ACVRL1: variants seen among roughly 807,000 people sequenced by gnomAD.
The protein encoded by ACVRL1 is activin A receptor like type 1.
Under a neutral mutation model 51.9 loss-of-function variants are expected in ACVRL1, and 20 were observed. The observed-to-expected ratio is 0.39, with a 90% CI of 0.27 to 0.56. ACVRL1 has a LOEUF of 0.56. Among genes scored for constraint, ACVRL1 ranks in the 20% least tolerant of loss-of-function variants. ACVRL1 has a pLI of 0.67. For synonymous variants in ACVRL1, 288 were observed against 280.9 expected, an observed-to-expected ratio of 1.03 and a Z score of -0.25; for missense variants, 451 against 670.3, an observed-to-expected ratio of 0.67 and a Z score of 3.61.
intron 3 of ACVRL1, 72 bp from the exon 4 acceptor site, chr12:51,913,487 G>C: frequency 6.5e-7 from 1 of 1,538,456 alleles, no homozygotes; most frequent in Non-Finnish European, 8.7e-7. Context: ...GATCTAACTG[G>C]CAGAGTGGTC....
At chr12:51,920,008 A>G (rs1940932981) in intron 9 of ACVRL1, among the ~76,000 whole-genome samples, 1 of 152,230 alleles carries the variant, frequency 6.6e-6, no homozygotes, top group African/African-American at 2.4e-5. Context: ...ACATGTATAC[A>G]TCTATGTGTA....
rs989875233 is a variant in ACVRL1 at position 51,917,998 on chromosome 12, C to T, written c.1247-987C>T. On this transcript the variant is annotated intron_variant, in intron 8 of 9. Coordinates refer to ENST00000388922, the MANE Select transcript of ACVRL1 (RefSeq NM_000020.3). This position sits in a 1 kb window ranked among gnomAD's most constrained non-coding sequence, Gnocchi z 4.2. ...ATTAGGGCGTGAGCGGCACAGGGGCCGGCCTGGAAGCTGGCCATGGGGAGA... is the reference window on the plus strand; with the variant it reads ...ATTAGGGCGTGAGCGGCACAGGGGCTGGCCTGGAAGCTGGCCATGGGGAGA... 2.0e-5 allele frequency among the ~76,000 whole-genome samples: 3 copies of T among 152,352 alleles called. No individual in the cohort carries two copies. The highest frequency in any genetic ancestry group is 2.1e-4 in the South Asian group (1 of 4,828).
chr12:51,910,584 C>T (rs889653964), intron 1 of ACVRL1, among the ~76,000 whole-genome samples: 3 of 152,140 alleles, frequency 2.0e-5, no homozygotes, highest in East Asian at 3.8e-4. Context: ...AGAGGAATGC[C>T]GGATTTTAGC....
chr12:51,919,378 T>A (rs1425637213), intron 9 of ACVRL1: 4 of 486,622 alleles, frequency 8.2e-6, no homozygotes, highest in African/African-American at 6.3e-5. Context: ...TGTGTGTGTG[T>A]GTGTGTGTGT....
rs1167632743 is a variant in ACVRL1 at position 51,917,180 on chromosome 12, A to G, written c.1246+947A>G. ...CACAGAATGACAGTGGGCTTGAGGCAGCATCAGGGTCCGAAACCGGGCAGT... is the reference window on the plus strand; with the variant it reads ...CACAGAATGACAGTGGGCTTGAGGCGGCATCAGGGTCCGAAACCGGGCAGT... On this transcript the variant is annotated intron_variant, in intron 8 of 9. Coordinates refer to ENST00000388922, the MANE Select transcript of ACVRL1 (RefSeq NM_000020.3). This position sits in a 1 kb window ranked among gnomAD's most constrained non-coding sequence, Gnocchi z 4.2. Among the ~76,000 whole-genome samples, 1 of 152,218 alleles carries G rather than the reference A, an allele frequency of 6.6e-6. No homozygotes were observed. The highest frequency in any genetic ancestry group is 2.4e-5 in the African/African-American group (1 of 41,454).
chr12:51,918,608 G>T (rs4762029), intron 8 of ACVRL1, among the ~76,000 whole-genome samples: 3,814 of 152,270 alleles, frequency 0.025, 53 homozygotes, highest in Non-Finnish European at 0.041. Context: ...CTAGGAATCC[G>T]AGATGGGTTT....
chr12:51,913,553 C>T lies in ACVRL1; in HGVS notation c.314-6C>T, dbSNP rs748409478. ...GAAGCTGAGCCTCAGTGTCCCCCTC[C>T]CTCAGCCACCCAACCTCCTTCGGAG... On this transcript the variant is annotated splice_region_variant and splice_polypyrimidine_tract_variant and intron_variant, in intron 3 of 9. Transcript: ENST00000388922. The T allele has an allele frequency of 1.3e-6, 2 of 1,595,668 alleles. No homozygotes were observed. Among genetic ancestry groups the T allele is most frequent in the Non-Finnish European group, 8.5e-7 (1 of 1,179,180 alleles).
Position 51,920,775 on chromosome 12 carries a change from C to T in ACVRL1, c.1394C>T (p.Ala465Val). The T allele has an allele frequency of 6.2e-7, 1 of 1,614,002 alleles. No individual in the cohort carries two copies. Among genetic ancestry groups the T allele is most frequent in the Middle Eastern group, 1.7e-4 (1 of 5,938 alleles). ...AACCCCCAGGTCCTCTCAGGCCTAG[C>T]TCAGATGATGCGGGAGTGCTGGTAC... ...LAADPVLSGL[A>V]QMMRECWYPN... is the part of the protein sequence containing the mutation. The change falls in exon 10 of 10, where the codon GCT (alanine) becomes GTT (valine). Residue 465 changes from alanine to valine, a missense_variant. Ala to Val is a moderately conservative substitution (Grantham distance 64). This residue lies in a region of ACVRL1 where 259 missense variants were observed against 453.4 expected (regional missense o/e 0.57). Coordinates refer to ENST00000388922, the MANE Select transcript of ACVRL1 (RefSeq NM_000020.3).
At chr12:51,912,588 A>C in intron 2 of ACVRL1, 53 bp downstream of exon 2, 1 of 1,467,536 alleles carries the variant, frequency 6.8e-7, no homozygotes, top group Non-Finnish European at 9.5e-7. Flanking sequence ...AGAAAGGGCT[A>C]TCTGGGCCCA....
At chr12:51,910,366 A>T (rs749097759) in intron 1 of ACVRL1, among the ~76,000 whole-genome samples, 1 of 152,170 alleles carries the variant, frequency 6.6e-6, no homozygotes, top group South Asian at 2.1e-4. Context: ...CGTTGTGCCC[A>T]CACAAACTGA....
At chr12:51,913,388 T>C in intron 3 of ACVRL1, 38 bp downstream of exon 3, 1 of 1,606,112 alleles carries the variant, frequency 6.2e-7, no homozygotes, top group Non-Finnish European at 8.5e-7. Context: ...CCCCATCTTC[T>C]TGGCCCCTGC....
chr12:51,920,719 C>T, intron 9 of ACVRL1, 40 bp from the exon 10 acceptor site: 1 of 1,610,376 alleles, frequency 6.2e-7, no homozygotes, highest in Non-Finnish European at 8.5e-7. Flanking sequence ...GCATCTCTCT[C>T]TCTGCCTCCT....
Position 51,914,492 on chromosome 12 carries a change from G to A in ACVRL1, c.679G>A (p.Ala227Thr). 1 of 1,614,160 alleles carries A rather than the reference G, an allele frequency of 6.2e-7. No homozygotes were observed. The highest frequency in any genetic ancestry group is 2.2e-5 in the East Asian group (1 of 44,866). Residue 227 changes from alanine to threonine, a missense_variant, in exon 6 of 10, where the codon GCC becomes ACC. This residue lies in a region of ACVRL1 where 259 missense variants were observed against 453.4 expected (regional missense o/e 0.57). Transcript: ENST00000388922. Reference protein sequence around the residue: ...WRGLWHGESVAVKIFSSRDEQ... With the variant: ...WRGLWHGESVTVKIFSSRDEQ... ...GGGCTTGTGGCACGGTGAGAGTGTG[G>A]CCGTCAAGATCTTCTCCTCGAGGGA...
chr12:51,918,960 T>G, intron 8 of ACVRL1, 25 bp from the exon 9 acceptor site: 3 of 1,614,216 alleles, frequency 1.9e-6, no homozygotes, highest in Non-Finnish European at 2.5e-6. Flanking sequence ...CCCAAGTGAT[T>G]GTCCTGTCCA....
rs535593547 is a variant in ACVRL1, at chr12:51,913,332, G to A, written c.295G>A (p.Val99Met). 7.4e-6 allele frequency: 12 copies of A among 1,612,284 alleles called. No individual in the cohort carries two copies. Among genetic ancestry groups the A allele is most frequent in the East Asian group, 6.7e-5 (3 of 44,844 alleles). ...CCDSHLCNHNVSLVLEATQPP... is the reference protein window; with the variant it reads ...CCDSHLCNHNMSLVLEATQPP... ...CGACAGCCACCTCTGCAACCACAAC[G>A]TGTCCCTGGTGCTGGAGGGTACGTC... The change falls in exon 3 of 10, where the codon GTG (valine) becomes ATG (methionine). Residue 99 changes from valine to methionine, a missense_variant. Transcript: ENST00000388922.
chr12:51,920,616 G>A, intron 9 of ACVRL1, 143 bp from the exon 10 acceptor site: 1 of 875,998 alleles, frequency 1.1e-6, no homozygotes, highest in East Asian at 2.6e-5. Context: ...TCCTGCTTAT[G>A]TCTCCCCATT....
chr12:51,914,409 G>A, intron 5 of ACVRL1, 30 bp from the exon 6 acceptor site: 1 of 1,614,034 alleles, frequency 6.2e-7, no homozygotes, highest in Non-Finnish European at 8.5e-7. Flanking sequence ...TGCCCAGTGT[G>A]TAACCCTCAC....
chr12:51,908,868 C>T (rs1180991216), intron 1 of ACVRL1, among the ~76,000 whole-genome samples: 1 of 152,202 alleles, frequency 6.6e-6, no homozygotes, highest in Non-Finnish European at 1.5e-5. Flanking sequence ...AGAGCCCACA[C>T]CCTAACCTCT....
Position 51,917,656 on chromosome 12 carries a change from A to T in ACVRL1, c.1247-1329A>T, listed in dbSNP as rs1940871490. 6.6e-6 allele frequency among the ~76,000 whole-genome samples: 1 copy of T among 151,954 alleles called. No individual in the cohort carries two copies. The highest frequency in any genetic ancestry group is 2.1e-4 in the South Asian group (1 of 4,804). ...TGTCCTCGGTGGTCATCAACTGAAA[A>T]CAGAGGCTGTGGTGTCACCGGTCCC... On this transcript the variant is annotated intron_variant, in intron 8 of 9. Transcript: ENST00000388922. The surrounding 1 kb of genome is among the most constrained non-coding windows in gnomAD (Gnocchi z 4.2).
Sources: gnomAD v4.1 joint callset for allele counts (sites outside exome capture counted in the v4.1 genomes callset) on GRCh38, gnomAD v4.1.1 for gene constraint, gnomAD v4.1.1 regional missense constraint, Gnocchi (gnomAD v3.1) non-coding constraint, MANE v1.5 for transcripts, NCBI Gene and HGNC (gene_info 2026-07-23, HGNC 2026-07-21) for gene names.